Variants in DNAH6 observed in about 807,000 individuals in gnomAD.
DNAH6 encodes the protein dynein axonemal heavy chain 6, also known as axonemal beta dynein heavy chain 6.
A neutral mutation model predicts 491.4 loss-of-function variants in DNAH6; 340 were observed. The observed-to-expected ratio is 0.69, with a 90% CI of 0.63 to 0.76. DNAH6 has a LOEUF of 0.76. Among genes scored for constraint, DNAH6 ranks in the 30% least tolerant of loss-of-function variants. The pLI is 0.00. For synonymous variants in DNAH6, 1,603 were observed against 1,686.1 expected (o/e 0.95, Z 1.21); for missense variants, 4,443 against 4,972.2 (o/e 0.89, Z 3.20).
intron 21 of DNAH6, among the ~76,000 whole-genome samples, chr2:84,609,356 G>C (rs1686089945): frequency 1.3e-5 from 2 of 152,074 alleles, no homozygotes; most frequent in Non-Finnish European, 2.9e-5. Flanking sequence ...TCTTAACTAA[G>C]TTTAATCATT....
At chr2:84,816,980 T>C (rs1192356) in intron 76 of DNAH6, among the ~76,000 whole-genome samples, 38,564 of 151,936 alleles carry the variant, frequency 0.25, 5,582 homozygotes, top group African/African-American at 0.42. Flanking sequence ...GTTTTCTAGG[T>C]AACCTGAAAG....
intron 62 of DNAH6, among the ~76,000 whole-genome samples, chr2:84,737,462 AGTTG>A (rs1256559123): frequency 6.6e-6 from 1 of 151,202 alleles, no homozygotes; most frequent in African/African-American, 2.4e-5. Context: ...TTTTTCCGTT[AGTTG>A]GTTGGTTGGT....
At chr2:84,555,272 T>C (rs1343593593) in intron 10 of DNAH6, among the ~76,000 whole-genome samples, 1 of 152,238 alleles carries the variant, frequency 6.6e-6, no homozygotes, top group Non-Finnish European at 1.5e-5. Context: ...TATATACTTT[T>C]GAATTCTAAT....
chr2:84,547,929 TG>T (rs75480292), intron 7 of DNAH6, among the ~76,000 whole-genome samples: 124,265 of 152,046 alleles, frequency 0.82, 53,378 homozygotes, highest in East Asian at 0.99. Flanking sequence ...ACAATAGGTT[TG>T]TTAAAATTAA....
intron 37 of DNAH6, among the ~76,000 whole-genome samples, chr2:84,660,464 C>A (rs1691393944): frequency 6.6e-6 from 1 of 151,942 alleles, no homozygotes; most frequent in Non-Finnish European, 1.5e-5. Flanking sequence ...TACCAACTAA[C>A]CTATGCAGAA....
intron 4 of DNAH6, among the ~76,000 whole-genome samples, chr2:84,537,926 C>T (rs1677853858): frequency 6.6e-6 from 1 of 152,048 alleles, no homozygotes; most frequent in African/African-American, 2.4e-5. Flanking sequence ...TGGGTGAGTA[C>T]TGCAACATGA....
chr2:84,627,518 A>AT (rs1687994008), intron 29 of DNAH6, among the ~76,000 whole-genome samples: 1 of 152,210 alleles, frequency 6.6e-6, no homozygotes, highest in Non-Finnish European at 1.5e-5. Flanking sequence ...AAAACTGATC[A>AT]TGGCTTAATA....
At chr2:84,758,087 C>T (rs1323455323) in intron 63 of DNAH6, among the ~76,000 whole-genome samples, 1 of 152,062 alleles carries the variant, frequency 6.6e-6, no homozygotes, top group African/African-American at 2.4e-5. Context: ...GTTACATATG[C>T]TTGTAACAGA....
At chr2:84,766,564 C>T (rs1675099337) in intron 64 of DNAH6, among the ~76,000 whole-genome samples, 1 of 152,060 alleles carries the variant, frequency 6.6e-6, no homozygotes, top group African/African-American at 2.4e-5. Context: ...ACTTCTCATT[C>T]CAGTAATAAC....
Position 84,705,673 on chromosome 2 carries a change from G to T in DNAH6, c.8653G>T (p.Val2885Leu), listed in dbSNP as rs1370745839. 1.3e-6 allele frequency: 2 copies of T among 1,551,688 alleles called. No individual in the cohort carries two copies. The highest frequency in any genetic ancestry group is 2.4e-5 in the South Asian group (2 of 84,040). The change falls in exon 52 of 77, where the codon GTA becomes TTA. Residue 2885 changes from valine (V) to leucine (L), a missense_variant. Coordinates refer to ENST00000389394, the MANE Select transcript of DNAH6 (RefSeq NM_001370.2). The part of the protein sequence containing the change: ...SKACKSMCMW[V>L]RAMDLYSRVV... ...AGCATGTAAATCTATGTGCATGTGG[G>T]TAAGAGCTATGGATTTGTACTCTCG...
chr2:84,528,735 T>C (rs560922282), intron 3 of DNAH6, among the ~76,000 whole-genome samples, 169 bp from the exon 4 acceptor site: 4 of 152,288 alleles, frequency 2.6e-5, no homozygotes, highest in African/African-American at 9.6e-5. Context: ...TGAGAAGGAA[T>C]ATGACTGCCT....
the DNAH6 span, among the ~76,000 whole-genome samples, chr2:84,463,603 C>T: frequency 2.6e-5 from 4 of 152,068 alleles, no homozygotes; most frequent in Non-Finnish European, 5.9e-5. Context: ...TTCCCCCTAC[C>T]CCACCCTTCC....
chr2:84,689,206 A>C (rs145181721), intron 45 of DNAH6, among the ~76,000 whole-genome samples: 3 of 152,326 alleles, frequency 2.0e-5, no homozygotes, highest in Non-Finnish European at 4.4e-5. Flanking sequence ...AGCAGTCATG[A>C]TTAAGGTACT....
intron 18 of DNAH6, among the ~76,000 whole-genome samples, chr2:84,596,211 G>C (rs956886266): frequency 1.3e-5 from 2 of 152,202 alleles, no homozygotes; most frequent in African/African-American, 4.8e-5. Flanking sequence ...AAGCCAGGCT[G>C]CAGGTGTACA....
At chr2:84,680,292 G>A (rs1443822636) in intron 41 of DNAH6, among the ~76,000 whole-genome samples, 1 of 152,138 alleles carries the variant, frequency 6.6e-6, no homozygotes, top group African/African-American at 2.4e-5. Context: ...TCTCCCATTA[G>A]TTACTCCAGG....
intron 15 of DNAH6, among the ~76,000 whole-genome samples, chr2:84,586,072 G>A (rs767117046): frequency 1.3e-5 from 2 of 152,244 alleles, no homozygotes. Context: ...AGAAGTGCCT[G>A]CTCCCACTGC....
intron 10 of DNAH6, among the ~76,000 whole-genome samples, chr2:84,553,328 C>CTG (rs1553420366): frequency 2.0e-5 from 3 of 149,240 alleles, no homozygotes; most frequent in Non-Finnish European, 4.5e-5. Context: ...GAAGAGATCA[C>CTG]TTGTGAATAC....
At chr2:84,667,395 T>C (rs900192416) in intron 37 of DNAH6, among the ~76,000 whole-genome samples, 2 of 151,918 alleles carry the variant, frequency 1.3e-5, no homozygotes, top group African/African-American at 4.8e-5. Flanking sequence ...CTTAAACAAA[T>C]TTACAAGAAA....
chr2:84,518,233 A>G (rs1437729594), intron 2 of DNAH6, among the ~76,000 whole-genome samples, 182 bp downstream of exon 2: 1 of 152,230 alleles, frequency 6.6e-6, no homozygotes, highest in African/African-American at 2.4e-5. Flanking sequence ...ATTAAGTTCT[A>G]GGCACTGTTT....
Sources: allele counts gnomAD v4.1 joint callset (sites outside exome capture counted in the v4.1 genomes callset), GRCh38; gene constraint gnomAD v4.1.1; transcripts MANE v1.5; gene names NCBI Gene and HGNC (gene_info 2026-07-23, HGNC 2026-07-21).